The following DHX37 variants were observed in gnomAD, a reference collection of about 807,000 sequenced individuals.
DHX37 encodes the protein probable ATP-dependent RNA helicase DHX37.
A neutral mutation model predicts 134.3 loss-of-function variants in DHX37; 52 were observed. The ratio of observed to expected loss-of-function variants is 0.39; its 90% CI spans 0.31 to 0.49. The LOEUF (loss-of-function observed/expected upper bound fraction) is 0.49, where lower values mean the gene tolerates loss of function less well. Ranked by LOEUF, DHX37 falls within the 20% of genes least tolerant of loss-of-function variation. The probability of loss-of-function intolerance (pLI) is 0.93; values close to 1 mark genes in which losing one functional copy is unlikely to be tolerated. For synonymous variants in DHX37, 634 were observed against 670.7 expected, an observed-to-expected ratio of 0.95 and a Z score of 0.85; for missense variants, 1,344 against 1,580.8, an observed-to-expected ratio of 0.85 and a Z score of 2.54.
At chr12:124,975,908 G>A (rs2135960737) in intron 5 of DHX37, among the ~76,000 whole-genome samples, 1 of 152,330 alleles carries the variant, frequency 6.6e-6, no homozygotes, top group African/African-American at 2.4e-5. Context: ...GCTGCTGACG[G>A]GGCTGGCCCT....
chr12:124,948,970 A>G (rs1452548021), intron 25 of DHX37, among the ~76,000 whole-genome samples: 1 of 152,070 alleles, frequency 6.6e-6, no homozygotes, highest in Non-Finnish European at 1.5e-5. Context: ...TGTGCATGCA[A>G]CTTGTCTCAT....
At chr12:124,960,498 C>G (rs756088521) in intron 15 of DHX37, 75 bp from the exon 16 acceptor site, 1 of 1,565,580 alleles carries the variant, frequency 6.4e-7, no homozygotes, top group African/African-American at 1.4e-5. Context: ...CCTGGGCAGA[C>G]AGAAACCGGG....
In DHX37 at chr12:124,978,091, G is replaced by A. The variant is rs969445604; in HGVS notation, c.739-601C>T. Among the ~76,000 whole-genome samples the A allele has an allele frequency of 2.6e-5, 4 of 152,074 alleles. No homozygotes were observed. In the East Asian group the frequency reaches 7.7e-4, roughly 29 times the overall value. The stretch of plus-strand genomic sequence containing the variant: ...TTCTCCCGCCTCAGCCTCCTGAGTA[G>A]CTGGGATTACAGGCACATGCCACCA... On this transcript the variant is annotated intron_variant, in intron 4 of 26. Coordinates refer to ENST00000308736, the MANE Select transcript of DHX37 (RefSeq NM_032656.4).
chr12:124,975,557 G>A, intron 5 of DHX37, 46 bp from the exon 6 acceptor site: 1 of 1,589,414 alleles, frequency 6.3e-7, no homozygotes, highest in Non-Finnish European at 8.6e-7. Context: ...GGCCCCACCT[G>A]TTCATGCCAA....
At chr12:124,971,522 TG>T (rs1278067231) in intron 7 of DHX37, 107 bp from the exon 8 acceptor site, 4 of 1,504,308 alleles carry the variant, frequency 2.7e-6, no homozygotes, top group African/African-American at 1.4e-5. Flanking sequence ...GAAGGGCAGC[TG>T]CTCTTCATCA....
intron 18 of DHX37, among the ~76,000 whole-genome samples, chr12:124,956,351 C>T (rs1322015451): frequency 2.0e-5 from 3 of 151,272 alleles, no homozygotes; most frequent in Non-Finnish European, 2.9e-5. Context: ...GGCAGATCTA[C>T]GCAATAGGAT....
At chr12:124,953,761 A>G in intron 20 of DHX37, 119 bp downstream of exon 20, 1 of 1,439,078 alleles carries the variant, frequency 6.9e-7, no homozygotes, top group Non-Finnish European at 9.2e-7. Context: ...GGTTATAAAT[A>G]CATTTTGGTG....
intron 22 of DHX37, 56 bp from the exon 23 acceptor site, chr12:124,950,606 G>A: frequency 6.4e-7 from 1 of 1,555,464 alleles, no homozygotes; most frequent in East Asian, 2.3e-5. Flanking sequence ...GGGAGGGGCT[G>A]CCATGCCTCT....
In DHX37 at chr12:124,980,452, T is replaced by C. The variant is rs1430328142; in HGVS notation, c.738+38A>G. On this transcript the variant is annotated intron_variant, in intron 4 of 26. Coordinates refer to ENST00000308736, the MANE Select transcript of DHX37 (RefSeq NM_032656.4). This position sits in a 1 kb window ranked among gnomAD's most constrained non-coding sequence, Gnocchi z 5.3. ...CGCCCTCTGTGCGCCCCTTGCCCGCTAACCTAGATTCTTAATCACAAACAC... is the reference window on the plus strand; with the variant it reads ...CGCCCTCTGTGCGCCCCTTGCCCGCCAACCTAGATTCTTAATCACAAACAC... The C allele has an allele frequency of 6.3e-7, 1 of 1,595,918 alleles. No individual in the cohort carries two copies. The highest frequency in any genetic ancestry group is 1.4e-5 in the African/African-American group (1 of 73,988).
At chr12:124,957,946 C>T (rs190601499) in intron 16 of DHX37, among the ~76,000 whole-genome samples, 19 of 152,352 alleles carry the variant, frequency 1.2e-4, no homozygotes, top group Admixed American at 8.5e-4. Context: ...ACACGCGCTA[C>T]ACCACGGATG....
chr12:124,956,352 G>A (rs1315808273), intron 18 of DHX37, among the ~76,000 whole-genome samples: 2 of 150,668 alleles, frequency 1.3e-5, no homozygotes, highest in African/African-American at 4.8e-5. Flanking sequence ...GCAGATCTAC[G>A]CAATAGGATG....
intron 20 of DHX37, 112 bp downstream of exon 20, chr12:124,953,768 G>A: frequency 6.9e-7 from 1 of 1,452,800 alleles, no homozygotes; most frequent in East Asian, 2.5e-5. Flanking sequence ...AATACATTTT[G>A]GTGCGTAGCA....
At chr12:124,972,291 G>A (rs540494036) in intron 7 of DHX37, among the ~76,000 whole-genome samples, 1 of 152,354 alleles carries the variant, frequency 6.6e-6, no homozygotes, top group Admixed American at 6.5e-5. Context: ...TACAACTTCC[G>A]CTTCAAAATG....
At chr12:124,959,999 G>A (rs562472561) in intron 16 of DHX37, among the ~76,000 whole-genome samples, 32 of 152,346 alleles carry the variant, frequency 2.1e-4, no homozygotes, top group African/African-American at 7.7e-4. Context: ...GGACTGGGTC[G>A]GAGAAGGCTG....
intron 8 of DHX37, among the ~76,000 whole-genome samples, chr12:124,971,067 A>C (rs926517882): frequency 6.6e-6 from 1 of 152,204 alleles, no homozygotes; most frequent in Non-Finnish European, 1.5e-5. Context: ...GAAGGACACC[A>C]GTTTATGAGG....
At chr12:124,982,444 A>G in intron 3 of DHX37, 67 bp downstream of exon 3, 1 of 1,590,216 alleles carries the variant, frequency 6.3e-7, no homozygotes, top group South Asian at 1.1e-5. Context: ...AGGACCCCAT[A>G]ACCTGTGCGC....
At chr12:124,955,439 C>T (rs575872569) in intron 18 of DHX37, among the ~76,000 whole-genome samples, 11 of 152,360 alleles carry the variant, frequency 7.2e-5, no homozygotes, top group East Asian at 1.9e-4. Flanking sequence ...GGGATTCTGA[C>T]GAATAGCTGG....
At chr12:124,985,623 T>G (rs1594515894) in intron 2 of DHX37, among the ~76,000 whole-genome samples, 1 of 148,864 alleles carries the variant, frequency 6.7e-6, no homozygotes, top group Non-Finnish European at 1.5e-5. Context: ...GGCACGCGCC[T>G]GTAATCCCAG....
chr12:124,969,044 G>A, intron 8 of DHX37, 76 bp from the exon 9 acceptor site: 1 of 1,408,462 alleles, frequency 7.1e-7, no homozygotes, highest in African/African-American at 1.4e-5. Flanking sequence ...CGGCATGGGG[G>A]TGCCCTGCTG....
Sources: allele counts gnomAD v4.1 joint callset (sites outside exome capture counted in the v4.1 genomes callset), GRCh38; gene constraint gnomAD v4.1.1; non-coding constraint Gnocchi (gnomAD v3.1); transcripts MANE v1.5; gene names NCBI Gene and HGNC (gene_info 2026-07-23, HGNC 2026-07-21).